Variants in CNKSR3 observed in about 807,000 individuals in gnomAD.
CNKSR3 encodes connector enhancer of kinase suppressor of ras 3.
CNKSR3 carries 36 observed loss-of-function variants against 67.7 expected under a neutral mutation model. The observed-to-expected ratio is 0.53, with a 90% CI of 0.41 to 0.70. The LOEUF (loss-of-function observed/expected upper bound fraction) is 0.70. CNKSR3 is among the 30% of genes least tolerant of loss of function. The pLI, the probability that CNKSR3 is intolerant of heterozygous loss-of-function variation, is 0.00. For missense variants in CNKSR3, 630 were observed against 695.2 expected, an observed-to-expected ratio of 0.91 and a Z score of 1.05; for synonymous variants, 281 against 271.4, an observed-to-expected ratio of 1.04 and a Z score of -0.35.
At chr6:154,435,630 T>C (rs762137776) in intron 4 of CNKSR3, among the ~76,000 whole-genome samples, 7 of 152,158 alleles carry the variant, frequency 4.6e-5, no homozygotes, top group Non-Finnish European at 8.8e-5. Context: ...AGGCATGACT[T>C]CACATTGTTT....
In CNKSR3 at chr6:154,422,907, A is replaced by C; in HGVS notation, c.798+8T>G. ...GGAGGAAAATTGAGCCTCAATAAAC[A>C]AACTCACCACAGTTTGCTGATTAAC... is the stretch of plus-strand genomic sequence containing the variant. On this transcript the variant is annotated splice_region_variant and intron_variant, in intron 8 of 12. Transcript: ENST00000607772. 1 of 1,600,598 alleles carries C rather than the reference A, an allele frequency of 6.2e-7. No homozygotes were observed. The highest frequency in any genetic ancestry group is 8.5e-7 in the Non-Finnish European group (1 of 1,171,926).
chr6:154,443,867 A>T (rs1785655275), intron 2 of CNKSR3, among the ~76,000 whole-genome samples: 1 of 152,172 alleles, frequency 6.6e-6, no homozygotes, highest in Non-Finnish European at 1.5e-5. Context: ...TCAATCAATC[A>T]ATAAAATTAA....
Position 154,406,596 on chromosome 6 carries a change from C to A in CNKSR3, c.1426G>T (p.Glu476Ter). Residue 476 changes from glutamate (E) to a stop codon, truncating the protein, a stop_gained, in exon 13 of 13, where the codon GAG (glutamate) becomes TAG (stop). Transcript: ENST00000607772. LOFTEE classifies it high-confidence loss of function. ...SNERIPPIIE[E>*]SSSPPYRFSR... ...AACCGGTATGGGGGAGAGGAGCTCT[C>A]TTCAATGATCGGAGGAATCCGCTCG... The A allele has an allele frequency of 6.2e-7, 1 of 1,614,212 alleles. No homozygotes were observed. Among genetic ancestry groups the A allele is most frequent in the South Asian group, 1.1e-5 (1 of 91,084 alleles).
At chr6:154,415,201 G>A (rs1017694674) in intron 9 of CNKSR3, among the ~76,000 whole-genome samples, 3 of 143,478 alleles carry the variant, frequency 2.1e-5, no homozygotes, top group East Asian at 2.1e-4. Flanking sequence ...CTCTGGATGT[G>A]ATCCTGGCTA....
intron 1 of CNKSR3, among the ~76,000 whole-genome samples, chr6:154,498,928 G>A (rs576061747): frequency 3.3e-5 from 5 of 152,206 alleles, no homozygotes; most frequent in South Asian, 2.1e-4. Flanking sequence ...CTATTTTCTC[G>A]CAATGGAGGG....
At chr6:154,474,650 G>A (rs553068014) in intron 1 of CNKSR3, among the ~76,000 whole-genome samples, 1 of 152,276 alleles carries the variant, frequency 6.6e-6, no homozygotes, top group South Asian at 2.1e-4. Flanking sequence ...TGGGCCATCC[G>A]GATGTGGGGT....
chr6:154,421,489 A>G (rs1375451129), intron 9 of CNKSR3, among the ~76,000 whole-genome samples: 1 of 152,252 alleles, frequency 6.6e-6, no homozygotes, highest in Non-Finnish European at 1.5e-5. Flanking sequence ...AAAGGGCATT[A>G]TAAGGTTATT....
At chr6:154,446,802 CTTTTT>C (rs765120948) in intron 2 of CNKSR3, among the ~76,000 whole-genome samples, 1 of 120,358 alleles carries the variant, frequency 8.3e-6, no homozygotes, top group African/African-American at 3.5e-5. Flanking sequence ...TCATACTTAT[CTTTTT>C]TTTTTTTTTT....
intron 5 of CNKSR3, among the ~76,000 whole-genome samples, chr6:154,432,132 C>T (rs143687223): frequency 2.4e-3 from 363 of 152,352 alleles, no homozygotes; most frequent in African/African-American, 8.3e-3. Flanking sequence ...CAGCAATTAA[C>T]GAGCGTTCCT....
At chr6:154,476,169 C>T (rs941305497) in intron 1 of CNKSR3, among the ~76,000 whole-genome samples, 1 of 152,080 alleles carries the variant, frequency 6.6e-6, no homozygotes, top group African/African-American at 2.4e-5. Context: ...CTAAGACAGA[C>T]CTTCGGGCCG....
At chr6:154,442,031 T>C in intron 3 of CNKSR3, 57 bp downstream of exon 3, 2 of 1,453,592 alleles carry the variant, frequency 1.4e-6, no homozygotes, top group Non-Finnish European at 9.3e-7. Context: ...ACAGCTTCCA[T>C]GCAGCTTGGA....
At chr6:154,487,592 A>AT (rs1185309692) in intron 1 of CNKSR3, among the ~76,000 whole-genome samples, 1 of 152,204 alleles carries the variant, frequency 6.6e-6, no homozygotes, top group African/African-American at 2.4e-5. Flanking sequence ...AAACACACTG[A>AT]TTTATCCAGC....
chr6:154,430,433 A>G (rs1236051772), intron 6 of CNKSR3, 39 bp downstream of exon 6: 2 of 1,567,868 alleles, frequency 1.3e-6, no homozygotes, highest in Non-Finnish European at 1.7e-6. Flanking sequence ...ATGATGATGT[A>G]TGTTATCTGA....
chr6:154,451,501 A>G (rs1273940072), intron 1 of CNKSR3, among the ~76,000 whole-genome samples: 1 of 14,432 alleles, frequency 6.9e-5, no homozygotes, highest in Non-Finnish European at 1.1e-4. Context: ...ACACGCATAC[A>G]TGCACACACA....
intron 1 of CNKSR3, among the ~76,000 whole-genome samples, chr6:154,509,663 G>T (rs568187161): frequency 6.6e-6 from 1 of 152,158 alleles, no homozygotes; most frequent in African/African-American, 2.4e-5. Flanking sequence ...GGTCCCGCGG[G>T]AGTCACCCAC....
chr6:154,399,055 G>A lies in CNKSR3; in HGVS notation c.*7299C>T, dbSNP rs1197990101. 1 of 151,424 alleles carries A rather than the reference G, an allele frequency of 6.6e-6. No individual in the cohort carries two copies. Among genetic ancestry groups the A allele is most frequent in the Non-Finnish European group, 1.5e-5 (1 of 68,004 alleles). 9.4% of individuals were successfully genotyped at this position (151,424 alleles called of 1,614,324 possible). On this transcript the variant is annotated 3_prime_UTR_variant, in exon 13 of 13. Transcript: ENST00000607772. The stretch of plus-strand genomic sequence containing the variant: ...GATCGTACCATTGCACTCCAGCCTG[G>A]GCAACAAGACTGAAACTCCGTCTCA...
At chr6:154,488,274 A>G (rs746446603) in intron 1 of CNKSR3, among the ~76,000 whole-genome samples, 1 of 152,254 alleles carries the variant, frequency 6.6e-6, no homozygotes, top group African/African-American at 2.4e-5. Flanking sequence ...TTGATTTCAC[A>G]TCATTTACCA....
chr6:154,477,590 G>A (rs1582892067), intron 1 of CNKSR3, among the ~76,000 whole-genome samples: 2 of 152,132 alleles, frequency 1.3e-5, no homozygotes, highest in South Asian at 4.2e-4. Context: ...CAAAGTGCTG[G>A]GATTACAGAA....
chr6:154,507,648 C>T (rs1787127536), intron 1 of CNKSR3, among the ~76,000 whole-genome samples: 1 of 152,124 alleles, frequency 6.6e-6, no homozygotes, highest in African/African-American at 2.4e-5. Flanking sequence ...GAACACAGAA[C>T]GTATCCAGGT....
Sources: gnomAD v4.1 joint callset for allele counts (sites outside exome capture counted in the v4.1 genomes callset) on GRCh38, gnomAD v4.1.1 for gene constraint, MANE v1.5 for transcripts, NCBI Gene and HGNC (gene_info 2026-07-23, HGNC 2026-07-21) for gene names.